Variants in GNA13 observed in about 807,000 individuals in gnomAD.
GNA13 encodes the protein G protein subunit alpha 13, also known as guanine nucleotide-binding protein subunit alpha-13.
Under a neutral mutation model 33.5 loss-of-function variants are expected in GNA13, and 4 were observed. The observed-to-expected ratio is 0.12, with a 90% CI of 0.06 to 0.27. GNA13 has a LOEUF of 0.27. GNA13 is among the 10% of genes least tolerant of loss of function. The pLI is 1.00. For synonymous variants in GNA13, 176 were observed against 183.8 expected, an observed-to-expected ratio of 0.96 and a Z score of 0.34; for missense variants, 319 against 487.2, an observed-to-expected ratio of 0.65 and a Z score of 3.25.
intron 3 of GNA13, among the ~76,000 whole-genome samples, chr17:65,017,513 C>T (rs567086346): frequency 1.2e-4 from 18 of 152,296 alleles, no homozygotes; most frequent in African/African-American, 4.1e-4. Context: ...GCAGCAGAAA[C>T]CTTTCTCCCA....
At chr17:65,056,249 G>GCCCCCGCCGCCGCCC in intron 1 of GNA13, 62 bp downstream of exon 1, 1 of 774,834 alleles carries the variant, frequency 1.3e-6, no homozygotes, top group Non-Finnish European at 2.0e-6. Flanking sequence ...GCCCCGCCCC[G>GCCCCCGCCGCCGCCC]CACCCGCCGC....
At chr17:65,033,298 A>C (rs1907118867) in intron 2 of GNA13, among the ~76,000 whole-genome samples, 1 of 151,322 alleles carries the variant, frequency 6.6e-6, no homozygotes. Flanking sequence ...CAGCCTGGGC[A>C]ACAAAGCAAG....
At position 65,014,879 on chromosome 17, in the gene GNA13, A is replaced by T; in HGVS notation, c.562-50T>A. 9.2e-7 allele frequency: 1 copy of T among 1,087,128 alleles called. No individual in the cohort carries two copies. Among genetic ancestry groups the T allele is most frequent in the Non-Finnish European group, 1.4e-6 (1 of 732,510 alleles). The allele number at this position is 1,087,128 out of a possible 1,614,324, so 67.3% of individuals were successfully genotyped here. On this transcript the variant is annotated intron_variant, in intron 3 of 3. Coordinates refer to ENST00000439174, the MANE Select transcript of GNA13 (RefSeq NM_006572.6). This position sits in a 1 kb window ranked among gnomAD's most constrained non-coding sequence, Gnocchi z 5.3. Reference sequence around the variant, plus strand: ...TACCTATTAATCCCGAAGTAATGCGAATTTTTAATGGACTACTAACTGGAC... The same window carrying T: ...TACCTATTAATCCCGAAGTAATGCGTATTTTTAATGGACTACTAACTGGAC...
chr17:65,032,739 T>C (rs1598488904), intron 2 of GNA13, among the ~76,000 whole-genome samples: 1 of 151,636 alleles, frequency 6.6e-6, no homozygotes, highest in Non-Finnish European at 1.5e-5. Flanking sequence ...ACGGGACCTA[T>C]TCTATTGGTC....
intron 2 of GNA13, among the ~76,000 whole-genome samples, chr17:65,051,414 G>C (rs1286826414): frequency 6.6e-6 from 1 of 152,184 alleles, no homozygotes; most frequent in Non-Finnish European, 1.5e-5. Flanking sequence ...TCAGGAGTTA[G>C]AGACCAGCTT....
In GNA13 at chr17:65,011,302, G is replaced by C. The variant is rs1906180454; in HGVS notation, c.*2955C>G. 5.0e-6 allele frequency: 1 copy of C among 198,166 alleles called. No individual in the cohort carries two copies. The highest frequency in any genetic ancestry group is 1.0e-5 in the Non-Finnish European group (1 of 95,904). The allele number at this position is 198,166 out of a possible 1,614,324, so 12.3% of individuals were successfully genotyped here. On this transcript the variant is annotated 3_prime_UTR_variant, in exon 4 of 4. Transcript: ENST00000439174. The stretch of plus-strand genomic sequence containing the variant: ...AGGACCTTCTCTATGCAAATTACAT[G>C]CCAATACACCTTAAAAGAAAATAAG...
At chr17:65,028,804 A>T (rs1906897171) in intron 2 of GNA13, among the ~76,000 whole-genome samples, 1 of 152,106 alleles carries the variant, frequency 6.6e-6, no homozygotes, top group Admixed American at 6.6e-5. Context: ...TTCTTCTTCC[A>T]ATCTGCAGCC....
In GNA13 at chr17:65,018,421, C is replaced by T. The variant is rs897672324; in HGVS notation, c.511-118G>A. 2.5e-5 allele frequency: 17 copies of T among 686,188 alleles called. No individual in the cohort carries two copies. In the African/African-American group the frequency reaches 3.1e-4, roughly 12 times the overall value. 42.5% of individuals were successfully genotyped at this position (686,188 alleles called of 1,614,324 possible). The stretch of plus-strand genomic sequence containing the variant: ...AACCCAAACAGACTTTGTTTAGTCA[C>T]CAATTTCAGACAGCTAACCTTCCTA... On this transcript the variant is annotated intron_variant, in intron 2 of 3. Transcript: ENST00000439174.
Position 65,011,080 on chromosome 17 carries a change from A to G in GNA13, c.*3177T>C, listed in dbSNP as rs968498313. The G allele has an allele frequency of 1.6e-4, 33 of 205,926 alleles. No homozygotes were observed. In the Admixed American group the frequency reaches 1.6e-3, roughly 10 times the overall value. The allele number at this position is 205,926 out of a possible 1,614,324, so 12.8% of individuals were successfully genotyped here. A position where few individuals can be genotyped will look rare whatever the true frequency, so the allele number is the denominator to read the frequency against. On this transcript the variant is annotated 3_prime_UTR_variant, in exon 4 of 4. Coordinates refer to ENST00000439174, the MANE Select transcript of GNA13 (RefSeq NM_006572.6). Reference sequence around the variant, plus strand: ...AAAGCATAAATACAAGTATTTGGGTACACATTGAAAGTTAGGACTTAACCA... The same window carrying G: ...AAAGCATAAATACAAGTATTTGGGTGCACATTGAAAGTTAGGACTTAACCA...
intron 2 of GNA13, among the ~76,000 whole-genome samples, chr17:65,025,251 C>A (rs1402539621): frequency 1.3e-5 from 2 of 152,158 alleles, no homozygotes; most frequent in Non-Finnish European, 2.9e-5. Flanking sequence ...CCACGTCTCA[C>A]AAGAAACTAT....
chr17:65,009,514 T>G lies in GNA13; in HGVS notation c.*4743A>C, dbSNP rs1025549451. 6.6e-6 allele frequency among the ~76,000 whole-genome samples: 1 copy of G among 152,076 alleles called. No homozygotes were observed. Among genetic ancestry groups the G allele is most frequent in the Non-Finnish European group, 1.5e-5 (1 of 68,026 alleles). ...CTGACAAAAAAATTTACAACAATTA[T>G]CAGATAATGTGCTTAGTTCCTGGAA... is the stretch of plus-strand genomic sequence containing the variant. On this transcript the variant is annotated 3_prime_UTR_variant, in exon 4 of 4. Coordinates refer to ENST00000439174, the MANE Select transcript of GNA13 (RefSeq NM_006572.6).
chr17:65,037,308 A>G (rs1359182455), intron 2 of GNA13, among the ~76,000 whole-genome samples: 2 of 152,208 alleles, frequency 1.3e-5, no homozygotes, highest in African/African-American at 4.8e-5. Context: ...TGTAAAAGGG[A>G]AAAGAGAACA....
intron 3 of GNA13, among the ~76,000 whole-genome samples, chr17:65,017,485 C>T (rs899433815): frequency 1.3e-5 from 2 of 152,136 alleles, no homozygotes; most frequent in Non-Finnish European, 2.9e-5. Context: ...AAGGCAATGG[C>T]TTTCAAAATT....
At chr17:65,055,019 G>A (rs762653151) in intron 1 of GNA13, among the ~76,000 whole-genome samples, 142 of 119,838 alleles carry the variant, frequency 1.2e-3, no homozygotes, top group Non-Finnish European at 1.9e-3. Flanking sequence ...TCTTCAGGCA[G>A]TTTTCCTTTA....
chr17:65,031,361 G>T (rs76043521), intron 2 of GNA13, among the ~76,000 whole-genome samples: 1 of 152,182 alleles, frequency 6.6e-6, no homozygotes. Context: ...TATGCAGTCA[G>T]TCCTTGACCA....
chr17:65,019,346 G>C (rs1414594897), intron 2 of GNA13, among the ~76,000 whole-genome samples: 2 of 152,174 alleles, frequency 1.3e-5, no homozygotes, highest in South Asian at 2.1e-4. Flanking sequence ...TGAGTATATG[G>C]AGGAGAGAGA....
chr17:65,040,529 G>A (rs180767475), intron 2 of GNA13, among the ~76,000 whole-genome samples: 107 of 151,864 alleles, frequency 7.0e-4, no homozygotes, highest in Non-Finnish European at 1.3e-3. Flanking sequence ...TTTTTGAGAC[G>A]GAGTCTTGCT....
chr17:65,040,883 T>C (rs546816506), intron 2 of GNA13, among the ~76,000 whole-genome samples: 5 of 152,358 alleles, frequency 3.3e-5, no homozygotes, highest in African/African-American at 1.2e-4. Flanking sequence ...TTAGGCTTAC[T>C]GTAGCAGTTG....
intron 2 of GNA13, among the ~76,000 whole-genome samples, chr17:65,050,381 T>C (rs971369236): frequency 1.3e-5 from 2 of 149,966 alleles, no homozygotes; most frequent in Non-Finnish European, 3.0e-5. Flanking sequence ...TCCAAGAGTT[T>C]AAGAGTCATT....
Sources: allele counts gnomAD v4.1 joint callset (sites outside exome capture counted in the v4.1 genomes callset), GRCh38; gene constraint gnomAD v4.1.1; non-coding constraint Gnocchi (gnomAD v3.1); transcripts MANE v1.5; gene names NCBI Gene and HGNC (gene_info 2026-07-23, HGNC 2026-07-21).